Variants in BBS12 observed in about 807,000 individuals in gnomAD.
BBS12 encodes Bardet-Biedl syndrome 12, also known as chaperonin-containing T-complex member BBS12.
BBS12 carries 5 observed loss-of-function variants against 5.6 expected under a neutral mutation model. The observed-to-expected ratio is 0.89, with a 90% CI of 0.46 to 1.86. The LOEUF (loss-of-function observed/expected upper bound fraction) is 1.86, where lower values mean the gene tolerates loss of function less well. Ranked by LOEUF, BBS12 falls within the 40% of genes most tolerant of loss-of-function variation. The probability of loss-of-function intolerance (pLI) is 0.01; values close to 1 mark genes in which losing one functional copy is unlikely to be tolerated. For synonymous variants in BBS12, 308 were observed against 306.8 expected, an observed-to-expected ratio of 1.00 and a Z score of -0.04; for missense variants, 748 against 830.4, an observed-to-expected ratio of 0.90 and a Z score of 1.22.
At chr4:122,726,683 G>C in the BBS12 span, among the ~76,000 whole-genome samples, 2 of 152,008 alleles carry the variant, frequency 1.3e-5, no homozygotes, top group African/African-American at 4.8e-5. Flanking sequence ...ATTCGCCATT[G>C]CAAAAACATG....
At position 122,743,117 on chromosome 4, in the gene BBS12, G is replaced by A. The variant is rs1578491070; in HGVS notation, c.1225G>A (p.Val409Met). Residue 409 changes from valine (V) to methionine (M), a missense_variant, in exon 2 of 2, where the codon GTG becomes ATG. Coordinates refer to ENST00000314218, the MANE Select transcript of BBS12 (RefSeq NM_152618.3). ...HVLQVLIQFKVNLVLVQGNVS... is the reference protein window; with the variant it reads ...HVLQVLIQFKMNLVLVQGNVS... ...GTTACAGGTGTTAATCCAGTTCAAGGTGAACCTTGTCCTGGTACAAGGAAA... is the reference window on the plus strand; with the variant it reads ...GTTACAGGTGTTAATCCAGTTCAAGATGAACCTTGTCCTGGTACAAGGAAA... The A allele has an allele frequency of 1.9e-6, 3 of 1,614,224 alleles. No individual in the cohort carries two copies. Among genetic ancestry groups the A allele is most frequent in the Non-Finnish European group, 2.5e-6 (3 of 1,180,042 alleles).
chr4:122,712,127 C>T, the BBS12 span, among the ~76,000 whole-genome samples: 258 of 152,344 alleles, frequency 1.7e-3, 2 homozygotes, highest in African/African-American at 6.1e-3. Context: ...CCTCAGCTTT[C>T]CTGGTTCTGT....
chr4:122,721,665 C>T, the BBS12 span, among the ~76,000 whole-genome samples: 1 of 152,236 alleles, frequency 6.6e-6, no homozygotes, highest in Admixed American at 6.5e-5. Context: ...CTCCATGGCA[C>T]TATGTCCAGA....
chr4:122,742,914 C>T lies in BBS12; in HGVS notation c.1022C>T (p.Ser341Phe), dbSNP rs765629145. Reference sequence around the variant, plus strand: ...GGATATATCACTGTTGTGTCAGTATCTAATAATCCTGTGATCAAGGAATTG... The same window carrying T: ...GGATATATCACTGTTGTGTCAGTATTTAATAATCCTGTGATCAAGGAATTG... ...CPGYITVVSV[S>F]NNPVIKELQN... The change falls in exon 2 of 2, where the codon TCT becomes TTT. Residue 341 changes from serine to phenylalanine, a missense_variant. By Grantham distance (155) the Ser-to-Phe change is radical. Transcript: ENST00000314218. The T allele has an allele frequency of 3.7e-6, 6 of 1,614,190 alleles. No homozygotes were observed. The highest frequency in any genetic ancestry group is 5.1e-6 in the Non-Finnish European group (6 of 1,180,044).
At chr4:122,728,297 T>C (rs539556492), upstream of BBS12, among the ~76,000 whole-genome samples, 18 of 152,324 alleles carry the variant, frequency 1.2e-4, no homozygotes, top group South Asian at 4.1e-4. Context: ...ATGAATTATA[T>C]GGCCATTCCA....
the BBS12 span, among the ~76,000 whole-genome samples, chr4:122,719,119 T>TC: frequency 5.9e-5 from 9 of 152,218 alleles, no homozygotes; most frequent in South Asian, 1.9e-3. Context: ...GCGCCTGGCC[T>TC]CTCTTTAGTT....
chr4:122,702,739 G>C, the BBS12 span, among the ~76,000 whole-genome samples: 1 of 152,156 alleles, frequency 6.6e-6, no homozygotes, highest in African/African-American at 2.4e-5. Flanking sequence ...GAATAGAAAT[G>C]CATCATGGCC....
At chr4:122,701,170 T>A in the BBS12 span, among the ~76,000 whole-genome samples, 1 of 152,246 alleles carries the variant, frequency 6.6e-6, no homozygotes, top group Non-Finnish European at 1.5e-5. Flanking sequence ...AACAATCACA[T>A]TTCTTTGTTT....
At chr4:122,704,081 C>T in the BBS12 span, among the ~76,000 whole-genome samples, 1 of 152,144 alleles carries the variant, frequency 6.6e-6, no homozygotes, top group Non-Finnish European at 1.5e-5. Context: ...AACTTTTGGG[C>T]TCAAGTGATG....
the BBS12 span, among the ~76,000 whole-genome samples, chr4:122,724,848 T>C: frequency 1.2e-4 from 18 of 152,304 alleles, no homozygotes; most frequent in African/African-American, 3.8e-4. Flanking sequence ...CACAGAGGGA[T>C]AGATTTAAAT....
the BBS12 span, among the ~76,000 whole-genome samples, chr4:122,708,462 A>G: frequency 6.6e-6 from 1 of 152,052 alleles, no homozygotes; most frequent in Non-Finnish European, 1.5e-5. Flanking sequence ...CACCCTCTTA[A>G]GCTTTGGAGG....
rs764746694 is a variant in BBS12 at position 122,742,886 on chromosome 4, C to G, written c.994C>G (p.Pro332Ala). The G allele has an allele frequency of 1.2e-6, 2 of 1,614,202 alleles. No homozygotes were observed. Among genetic ancestry groups the G allele is most frequent in the Admixed American group, 3.3e-5 (2 of 60,020 alleles). Residue 332 changes from proline to alanine, a missense_variant, in exon 2 of 2, where the codon CCA becomes GCA. Transcript: ENST00000314218. ...GLPETSSCVC[P>A]GYITVVSVSN... Reference sequence around the variant, plus strand: ...ACCTGAAACTTCTTCTTGTGTTTGTCCAGGATATATCACTGTTGTGTCAGT... The same window carrying G: ...ACCTGAAACTTCTTCTTGTGTTTGTGCAGGATATATCACTGTTGTGTCAGT...
chr4:122,737,261 A>T (rs748745760), intron 1 of BBS12, among the ~76,000 whole-genome samples: 142 of 152,334 alleles, frequency 9.3e-4, no homozygotes, highest in Middle Eastern at 3.4e-3. Context: ...GAAAAGGGAA[A>T]CACAGTAAAA....
At chr4:122,725,118 T>A in the BBS12 span, among the ~76,000 whole-genome samples, 57 of 152,226 alleles carry the variant, frequency 3.7e-4, no homozygotes, top group South Asian at 8.3e-4. Context: ...TCTGTAGAAA[T>A]CATCTCATGA....
chr4:122,701,692 A>G, the BBS12 span, among the ~76,000 whole-genome samples: 1 of 152,252 alleles, frequency 6.6e-6, no homozygotes, highest in Non-Finnish European at 1.5e-5. Context: ...ATAGATGAAG[A>G]GAATGAGACT....
chr4:122,727,952 A>G (rs181873979), upstream of BBS12, among the ~76,000 whole-genome samples: 13 of 152,278 alleles, frequency 8.5e-5, 1 homozygote, highest in Non-Finnish European at 2.9e-5. Flanking sequence ...AAAACACTCA[A>G]TGCCTCTCAT....
chr4:122,729,457 C>T (rs143798692), upstream of BBS12: 3 of 152,326 alleles, frequency 2.0e-5, no homozygotes, highest in African/African-American at 4.8e-5. Flanking sequence ...AGAAAATACA[C>T]AGTTATCTTG....
Position 122,742,830 on chromosome 4 carries a change from C to G in BBS12, c.938C>G (p.Ser313Ter). ...ACAAAACCATTTATGTTTGACATTTCAAGAATTTTCACTTGCTGTCTACCA... is the reference window on the plus strand; with the variant it reads ...ACAAAACCATTTATGTTTGACATTTGAAGAATTTTCACTTGCTGTCTACCA... ...NCTKPFMFDI[S>*]RIFTCCLPGL... Residue 313 changes from serine to a stop codon, truncating the protein, a stop_gained, in exon 2 of 2, where the codon TCA becomes TGA. Coordinates refer to ENST00000314218, the MANE Select transcript of BBS12 (RefSeq NM_152618.3). LOFTEE classifies it low-confidence loss of function (END_TRUNC). 1 of 1,614,176 alleles carries G rather than the reference C, an allele frequency of 6.2e-7. No homozygotes were observed. Among genetic ancestry groups the G allele is most frequent in the Non-Finnish European group, 8.5e-7 (1 of 1,180,028 alleles).
chr4:122,710,720 G>A, the BBS12 span, among the ~76,000 whole-genome samples: 4 of 151,614 alleles, frequency 2.6e-5, no homozygotes, highest in Non-Finnish European at 5.9e-5. Flanking sequence ...TTTTTAATAC[G>A]TAAAGGTATT....
Sources: gnomAD v4.1 joint callset for allele counts (sites outside exome capture counted in the v4.1 genomes callset) on GRCh38, gnomAD v4.1.1 for gene constraint, MANE v1.5 for transcripts, NCBI Gene and HGNC (gene_info 2026-07-23, HGNC 2026-07-21) for gene names.